Variants in STXBP4 observed in about 807,000 individuals in gnomAD.
STXBP4 encodes syntaxin binding protein 4, also known as syntaxin-binding protein 4.
Under a neutral mutation model 76.1 loss-of-function variants are expected in STXBP4, and 55 were observed. The observed-to-expected ratio is 0.72, with a 90% confidence interval of 0.58 to 0.91. The LOEUF (loss-of-function observed/expected upper bound fraction) is 0.91, where lower values mean the gene tolerates loss of function less well. STXBP4 is among the 40% of genes least tolerant of loss of function. The pLI is 0.00. For synonymous variants in STXBP4, 201 were observed against 220.2 expected (o/e 0.91, Z 0.77); for missense variants, 618 against 636.9 (o/e 0.97, Z 0.32).
intron 16 of STXBP4, among the ~76,000 whole-genome samples, chr17:55,105,656 T>A (rs2079625820): frequency 6.6e-6 from 1 of 151,596 alleles, no homozygotes; most frequent in African/African-American, 2.4e-5. Context: ...TTTTTTGTAT[T>A]TTTAGTAGAG....
chr17:55,052,233 A>C (rs2078868546), intron 12 of STXBP4, among the ~76,000 whole-genome samples: 1 of 152,160 alleles, frequency 6.6e-6, no homozygotes, highest in African/African-American at 2.4e-5. Flanking sequence ...TAAGCCTGGA[A>C]TATCTTAATA....
intron 12 of STXBP4, among the ~76,000 whole-genome samples, chr17:55,057,910 T>G (rs184930578): frequency 6.6e-6 from 1 of 152,238 alleles, no homozygotes; most frequent in Non-Finnish European, 1.5e-5. Flanking sequence ...CTGCATAGAA[T>G]TCCATGATGT....
chr17:55,193,444 A>G, the STXBP4 span, among the ~76,000 whole-genome samples: 12 of 152,150 alleles, frequency 7.9e-5, no homozygotes, highest in African/African-American at 1.7e-4. Context: ...CCTGACATCA[A>G]TTCTCATCAT....
chr17:55,119,490 C>G (rs1029796644), intron 16 of STXBP4, among the ~76,000 whole-genome samples: 4 of 151,884 alleles, frequency 2.6e-5, no homozygotes, highest in Middle Eastern at 3.2e-3. Context: ...TAAAGAAACC[C>G]CATCTGGAAA....
chr17:55,209,970 G>T, the STXBP4 span, among the ~76,000 whole-genome samples: 3 of 152,314 alleles, frequency 2.0e-5, no homozygotes, highest in South Asian at 6.2e-4. Context: ...ACAAGTTAGG[G>T]TAAGGATGCG....
chr17:55,203,539 C>G, the STXBP4 span, among the ~76,000 whole-genome samples: 3 of 152,090 alleles, frequency 2.0e-5, no homozygotes, highest in African/African-American at 7.2e-5. Context: ...CCTACACAAA[C>G]AAGTGGAGGA....
Position 55,170,687 on chromosome 17 carries a change from T to C in STXBP4, c.*10776T>C, listed in dbSNP as rs2080401398. On this transcript the variant is annotated 3_prime_UTR_variant, in exon 18 of 18. Transcript: ENST00000376352. ...TAGGGACTGGAAAGATCAGAGATTA[T>C]GTTATGGCCATGAATGAGGCCTGAC... 2.0e-5 allele frequency: 3 copies of C among 152,218 alleles called. No homozygotes were observed. The highest frequency in any genetic ancestry group is 2.0e-4 in the Admixed American group (3 of 15,280). The allele number at this position is 152,218 out of a possible 1,614,324, so 9.4% of individuals were successfully genotyped here.
chr17:55,073,929 A>G (rs11654268), intron 13 of STXBP4, among the ~76,000 whole-genome samples: 53,779 of 151,986 alleles, frequency 0.35, 10,577 homozygotes, highest in East Asian at 0.54. Flanking sequence ...ACGCCTGGAC[A>G]GTGCAAACTT....
chr17:55,087,934 G>C (rs759897214), intron 16 of STXBP4, among the ~76,000 whole-genome samples: 1 of 152,022 alleles, frequency 6.6e-6, no homozygotes, highest in Non-Finnish European at 1.5e-5. Flanking sequence ...TGAGCATTTT[G>C]TAGTTTTCCC....
intron 16 of STXBP4, among the ~76,000 whole-genome samples, chr17:55,138,241 A>T (rs2080057171): frequency 6.6e-6 from 1 of 152,092 alleles, no homozygotes; most frequent in Non-Finnish European, 1.5e-5. Flanking sequence ...ATCACTGTAT[A>T]TTGAACATCT....
At chr17:55,205,109 GA>G in the STXBP4 span, among the ~76,000 whole-genome samples, 1 of 152,048 alleles carries the variant, frequency 6.6e-6, no homozygotes, top group African/African-American at 2.4e-5. Flanking sequence ...ACTTTATCTG[GA>G]AGAGTAAATG....
chr17:55,134,031 A>T (rs59992514), intron 16 of STXBP4, among the ~76,000 whole-genome samples: 2,476 of 152,118 alleles, frequency 0.016, 68 homozygotes, highest in African/African-American at 0.057. Context: ...ATTACAGCTC[A>T]TTTTTATGCC....
intron 16 of STXBP4, among the ~76,000 whole-genome samples, chr17:55,097,695 C>T (rs2079509706): frequency 6.6e-6 from 1 of 151,900 alleles, no homozygotes; most frequent in Admixed American, 6.6e-5. Flanking sequence ...GTTTTTACTA[C>T]AGATAAATGA....
intron 15 of STXBP4, among the ~76,000 whole-genome samples, 172 bp downstream of exon 15, chr17:55,078,907 C>T (rs1299584920): frequency 2.0e-5 from 3 of 152,138 alleles, no homozygotes; most frequent in South Asian, 2.1e-4. Context: ...TGTGTCCCAT[C>T]TCTGTTAAAG....
chr17:55,000,798 TC>T lies in STXBP4; in HGVS notation c.499-9del. ...AAATGACATTGCATGTTCCTCATTT[TC>T]TTTCACAGATAAAAACTGGATACAA... On this transcript the variant is annotated splice_polypyrimidine_tract_variant and intron_variant, in intron 6 of 17. Coordinates refer to ENST00000376352, the MANE Select transcript of STXBP4 (RefSeq NM_178509.6). 6.3e-7 allele frequency: 1 copy of T among 1,582,996 alleles called. No individual in the cohort carries two copies. Among genetic ancestry groups the T allele is most frequent in the Non-Finnish European group, 8.7e-7 (1 of 1,152,562 alleles).
chr17:55,134,322 A>AT (rs1309313165), intron 16 of STXBP4, among the ~76,000 whole-genome samples: 9 of 152,118 alleles, frequency 5.9e-5, no homozygotes, highest in Non-Finnish European at 8.8e-5. Context: ...GTACACAGTT[A>AT]TTTTATATGA....
intron 4 of STXBP4, among the ~76,000 whole-genome samples, chr17:54,995,882 T>C (rs1003257948): frequency 6.6e-6 from 1 of 152,150 alleles, no homozygotes; most frequent in African/African-American, 2.4e-5. Context: ...TTTAACCTAT[T>C]GTGGACTTAC....
chr17:55,101,207 G>T (rs2079560100), intron 16 of STXBP4, among the ~76,000 whole-genome samples: 1 of 152,146 alleles, frequency 6.6e-6, no homozygotes, highest in Non-Finnish European at 1.5e-5. Flanking sequence ...CAGTGGCAAG[G>T]CTAGAATTTT....
chr17:55,146,279 T>A (rs1042787028), intron 17 of STXBP4, among the ~76,000 whole-genome samples: 1 of 152,244 alleles, frequency 6.6e-6, no homozygotes, highest in African/African-American at 2.4e-5. Context: ...AATTTTAGCT[T>A]AAACCAATAT....
Sources: gnomAD v4.1 joint callset for allele counts (sites outside exome capture counted in the v4.1 genomes callset) on GRCh38, gnomAD v4.1.1 for gene constraint, MANE v1.5 for transcripts, NCBI Gene and HGNC (gene_info 2026-07-23, HGNC 2026-07-21) for gene names.